PACS1: variants seen among roughly 807,000 people sequenced by gnomAD.
The protein encoded by PACS1 is PACS-1.
A neutral mutation model predicts 115.0 loss-of-function variants in PACS1; 24 were observed. The ratio of observed to expected loss-of-function variants is 0.21; its 90% confidence interval spans 0.15 to 0.29. The LOEUF (loss-of-function observed/expected upper bound fraction) is 0.29, where lower values mean the gene tolerates loss of function less well. Ranked by LOEUF, PACS1 falls within the 10% of genes least tolerant of loss-of-function variation. The pLI, the probability that PACS1 is intolerant of heterozygous loss-of-function variation, is 1.00. For missense variants in PACS1, 838 were observed against 1,251.2 expected, an observed-to-expected ratio of 0.67 and a Z score of 4.98; for synonymous variants, 453 against 504.5, an observed-to-expected ratio of 0.90 and a Z score of 1.37.
chr11:66,230,567 T>C lies in PACS1; in HGVS notation c.1394T>C (p.Met465Thr), dbSNP rs1174415246. The stretch of plus-strand genomic sequence containing the variant: ...TGGTAGGAAATCACTGACCAGGACA[T>C]GTTTGGAGATGCCAGCACGAGTCTG... The part of the protein sequence containing the change: ...TDTLEITDQD[M>T]FGDASTSLVV... The change falls in exon 12 of 24, where the codon ATG becomes ACG. Residue 465 changes from methionine to threonine, a missense_variant. Coordinates refer to ENST00000320580, the MANE Select transcript of PACS1 (RefSeq NM_018026.4). The C allele has an allele frequency of 1.2e-6, 2 of 1,613,772 alleles. No homozygotes were observed. The highest frequency in any genetic ancestry group is 2.2e-5 in the East Asian group (1 of 44,884).
intron 1 of PACS1, among the ~76,000 whole-genome samples, chr11:66,109,308 T>TC (rs1311127931): frequency 6.6e-6 from 1 of 152,048 alleles, no homozygotes; most frequent in East Asian, 1.9e-4. Context: ...ACGCATGTAA[T>TC]CCCAGTACTT....
chr11:66,103,023 G>C (rs1057465416), intron 1 of PACS1, among the ~76,000 whole-genome samples: 1 of 151,992 alleles, frequency 6.6e-6, no homozygotes, highest in Admixed American at 6.6e-5. Context: ...TAGAGAATGG[G>C]TTTTACCATG....
At position 66,233,049 on chromosome 11, in the gene PACS1, C is replaced by T. The variant is rs909223203; in HGVS notation, c.1821C>T (p.Leu607=). ...TCCAGGCCGTGCTGTCCGCCCTGCT[C>T]ACCCGGATCCAGCGCTAGTAAGGGC... ...VEVQAVLSAL[L]TRIQRYCNCN... is the part of the protein sequence containing the mutation. Residue 607 remains leucine, a synonymous_variant, in exon 15 of 24, where the codon CTC becomes CTT. Transcript: ENST00000320580. The surrounding 1 kb of genome is among the most constrained non-coding windows in gnomAD (Gnocchi z 4.5). The T allele has an allele frequency of 3.7e-6, 6 of 1,609,394 alleles. No homozygotes were observed. Among genetic ancestry groups the T allele is most frequent in the African/African-American group, 1.3e-5 (1 of 74,926 alleles).
chr11:66,213,461 T>A (rs1384322169), intron 4 of PACS1, among the ~76,000 whole-genome samples: 1 of 152,188 alleles, frequency 6.6e-6, no homozygotes, highest in Non-Finnish European at 1.5e-5. Context: ...GAGCCCTGGT[T>A]CTTTTCAGTA....
rs1396868690 is a variant in PACS1 at position 66,235,911 on chromosome 11, T to C, written c.2221T>C (p.Ser741Pro). The C allele has an allele frequency of 6.2e-7, 1 of 1,613,928 alleles. No individual in the cohort carries two copies. The highest frequency in any genetic ancestry group is 8.5e-7 in the Non-Finnish European group (1 of 1,179,812). ...TCRHKFPDED[S>P]YQKFIPFIGV... Reference sequence around the variant, plus strand: ...GTCTCCCAACAGCCCTGATGAAGACTCCTATCAGAAGTTTATTCCCTTCAT... The same window carrying C: ...GTCTCCCAACAGCCCTGATGAAGACCCCTATCAGAAGTTTATTCCCTTCAT... The change falls in exon 19 of 24, where the codon TCC (serine) becomes CCC (proline). Residue 741 changes from serine to proline, a missense_variant. Ser to Pro is a moderately conservative substitution (Grantham distance 74). This residue lies in a region of PACS1 where 383 missense variants were observed against 537.0 expected (regional missense o/e 0.71). Transcript: ENST00000320580. This position sits in a 1 kb window ranked among gnomAD's most constrained non-coding sequence, Gnocchi z 5.6.
intron 4 of PACS1, among the ~76,000 whole-genome samples, chr11:66,212,138 C>CTT (rs1232135307): frequency 6.9e-6 from 1 of 145,420 alleles, no homozygotes; most frequent in African/African-American, 2.5e-5. Context: ...TTTATTTTTA[C>CTT]TTTTTTTTTT....
chr11:66,190,575 A>C (rs10896092), intron 1 of PACS1, among the ~76,000 whole-genome samples: 36,879 of 152,058 alleles, frequency 0.24, 4,912 homozygotes, highest in East Asian at 0.44. Flanking sequence ...TTTTAAGAGA[A>C]TGGGATCTTT....
intron 1 of PACS1, among the ~76,000 whole-genome samples, chr11:66,159,688 A>T (rs533198239): frequency 6.6e-6 from 1 of 152,264 alleles, no homozygotes; most frequent in Non-Finnish European, 1.5e-5. Flanking sequence ...CACCCTTATG[A>T]GACTGACATG....
At chr11:66,214,019 C>T (rs1434165888) in intron 4 of PACS1, among the ~76,000 whole-genome samples, 3 of 114,684 alleles carry the variant, frequency 2.6e-5, no homozygotes, top group Admixed American at 2.7e-4. Context: ...GGCGACAGCG[C>T]GAGACTCCAT....
intron 1 of PACS1, among the ~76,000 whole-genome samples, chr11:66,115,303 A>C (rs1299678666): frequency 6.6e-6 from 1 of 151,796 alleles, no homozygotes; most frequent in South Asian, 2.1e-4. Context: ...ATGTTTTCCC[A>C]TGGAGCTGGA....
intron 1 of PACS1, among the ~76,000 whole-genome samples, chr11:66,077,546 G>A (rs1382285545): frequency 6.6e-6 from 1 of 152,204 alleles, no homozygotes; most frequent in African/African-American, 2.4e-5. Flanking sequence ...GGGCAACAGA[G>A]TAAGACCCTG....
At chr11:66,160,085 T>A (rs952897982) in intron 1 of PACS1, among the ~76,000 whole-genome samples, 1 of 152,214 alleles carries the variant, frequency 6.6e-6, no homozygotes, top group Non-Finnish European at 1.5e-5. Flanking sequence ...TTTAAACCAC[T>A]GTGCTAGGAG....
chr11:66,083,808 T>C (rs1257247270), intron 1 of PACS1, among the ~76,000 whole-genome samples: 2 of 152,256 alleles, frequency 1.3e-5, no homozygotes, highest in African/African-American at 4.8e-5. Flanking sequence ...CAAATTGCTA[T>C]AGTCTCTTTA....
At chr11:66,140,594 CAAAAGAT>C (rs903119002) in intron 1 of PACS1, among the ~76,000 whole-genome samples, 1 of 152,076 alleles carries the variant, frequency 6.6e-6, no homozygotes, top group African/African-American at 2.4e-5. Flanking sequence ...GTTCAAAATT[CAAAAGAT>C]ATAGAAGGAG....
At chr11:66,103,258 C>G (rs1207503251) in intron 1 of PACS1, among the ~76,000 whole-genome samples, 1 of 152,022 alleles carries the variant, frequency 6.6e-6, no homozygotes, top group Admixed American at 6.6e-5. Context: ...TTGGTTTGGT[C>G]TTTTTTCAGA....
chr11:66,216,229 C>T lies in PACS1; in HGVS notation c.771C>T (p.Pro257=). ...EIKIYSLSSQ[P]IDHEGIKSKL... is the part of the protein sequence containing the mutation. ...AGATCTACTCCCTGTCCAGCCAACC[C>T]ATTGACCATGAAGGAATCAAATCCA... The change falls in exon 5 of 24, where the codon CCC becomes CCT. Residue 257 remains proline (P), a synonymous_variant. Coordinates refer to ENST00000320580, the MANE Select transcript of PACS1 (RefSeq NM_018026.4). The T allele has an allele frequency of 6.2e-7, 1 of 1,614,124 alleles. No homozygotes were observed. The highest frequency in any genetic ancestry group is 8.5e-7 in the Non-Finnish European group (1 of 1,180,022).
Position 66,230,938 on chromosome 11 carries a change from C to T in PACS1, c.1624C>T (p.Gln542Ter). ...CTCCCCAGATCTGGGCCACAGCACG[C>T]AGGTACTTCTGGGTGCCCCCAAAAC... The part of the protein sequence containing the change: ...ERSPDLGHST[Q>*]IPRKVVYDQL... The change falls in exon 13 of 24, where the codon CAG becomes TAG. Residue 542 changes from glutamine to a stop codon, truncating the protein, a stop_gained and splice_region_variant. Transcript: ENST00000320580. LOFTEE classifies it high-confidence loss of function. The T allele has an allele frequency of 6.2e-7, 1 of 1,614,026 alleles. No individual in the cohort carries two copies. Among genetic ancestry groups the T allele is most frequent in the Non-Finnish European group, 8.5e-7 (1 of 1,180,036 alleles).
chr11:66,086,702 G>A (rs942124247), intron 1 of PACS1, among the ~76,000 whole-genome samples: 5 of 151,974 alleles, frequency 3.3e-5, no homozygotes, highest in Non-Finnish European at 7.4e-5. Context: ...GGCAACCTCC[G>A]CCTCCCAGGC....
intron 2 of PACS1, among the ~76,000 whole-genome samples, chr11:66,201,848 G>A (rs1033867614): frequency 5.3e-5 from 8 of 151,944 alleles, no homozygotes; most frequent in Admixed American, 3.3e-4. Context: ...TAGTAGAGAC[G>A]AGGTTTCACC....
Sources: allele counts gnomAD v4.1 joint callset (sites outside exome capture counted in the v4.1 genomes callset), GRCh38; gene constraint gnomAD v4.1.1; regional missense constraint gnomAD v4.1.1; non-coding constraint Gnocchi (gnomAD v3.1); transcripts MANE v1.5; gene names NCBI Gene and HGNC (gene_info 2026-07-23, HGNC 2026-07-21).